HOXC4: variants seen among roughly 807,000 people sequenced by gnomAD.
The protein encoded by HOXC4 is homeobox C4, also known as homeobox protein Hox-C4.
In HOXC4, 15 loss-of-function variants were observed where a neutral mutation model predicts 25.5. The observed-to-expected ratio is 0.59, with a 90% CI of 0.39 to 0.91. The LOEUF (loss-of-function observed/expected upper bound fraction) is 0.91, where lower values mean the gene tolerates loss of function less well. Ranked by LOEUF, HOXC4 falls within the 40% of genes least tolerant of loss-of-function variation. The probability of loss-of-function intolerance (pLI) is 0.00; values close to 1 mark genes in which losing one functional copy is unlikely to be tolerated. For synonymous variants in HOXC4, 165 were observed against 148.0 expected (o/e 1.11, Z -0.83); for missense variants, 342 against 352.4 (o/e 0.97, Z 0.24).
At chr12:54,030,145 CTCTT>C (rs1478777893) in intron 1 of HOXC4, 17 of 580,802 alleles carry the variant, frequency 2.9e-5, no homozygotes, top group Non-Finnish European at 5.1e-5. Flanking sequence ...CCGCACAACT[CTCTT>C]TCACCACGCG....
chr12:54,038,934 C>T (rs769894927), intron 1 of HOXC4, among the ~76,000 whole-genome samples: 11 of 152,102 alleles, frequency 7.2e-5, no homozygotes, highest in East Asian at 1.9e-4. Flanking sequence ...CAGGCTAGGG[C>T]GCCCTTCAGG....
At chr12:54,021,602 A>C (rs567270371) in intron 1 of HOXC4, 1 of 152,356 alleles carries the variant, frequency 6.6e-6, no homozygotes, top group African/African-American at 2.4e-5. Context: ...GGTTCCTCCC[A>C]AGACTCTTGT....
chr12:54,029,588 A>C lies in HOXC4; in HGVS notation c.-124+12174A>C. The C allele has an allele frequency of 2.6e-6, 4 of 1,525,908 alleles. 1 individual carries two copies. The East Asian group carries it at 9.1e-5, about 35-fold the overall frequency. 94.5% of individuals were successfully genotyped at this position (1,525,908 alleles called of 1,614,324 possible). A position where few individuals can be genotyped will look rare whatever the true frequency, so the allele number is the denominator to read the frequency against. ...AGGTTGGGAGGGTCAGGACTTTGCT[A>C]GGCGAAACAGTCTGCAGAGGACGCT... On this transcript the variant is annotated intron_variant, in intron 1 of 3. Transcript: ENST00000303406.
intron 1 of HOXC4, among the ~76,000 whole-genome samples, chr12:54,018,135 C>G (rs1940247774): frequency 6.8e-6 from 1 of 147,690 alleles, no homozygotes; most frequent in African/African-American, 2.5e-5. Context: ...AGGTGCCCTG[C>G]GTTGGGTGGA....
chr12:54,038,006 G>T (rs1466708602), intron 1 of HOXC4: 1 of 152,186 alleles, frequency 6.6e-6, no homozygotes, highest in African/African-American at 2.4e-5. Flanking sequence ...TGAATCCCAG[G>T]CGAACGCTGT....
rs535924044 is a variant in HOXC4, at chr12:54,042,329, A to T, written c.-123-10831A>T. Among the ~76,000 whole-genome samples, 11 of 152,278 alleles carry T rather than the reference A, an allele frequency of 7.2e-5. No individual in the cohort carries two copies. The South Asian group carries it at 2.3e-3, about 32-fold the overall frequency. On this transcript the variant is annotated intron_variant, in intron 1 of 3. Transcript: ENST00000303406. Reference sequence around the variant, plus strand: ...TTAAAGGACACACTTATTCTTCCCCAGTGAATGGTGTGGCAGATTGTTGGA... The same window carrying T: ...TTAAAGGACACACTTATTCTTCCCCTGTGAATGGTGTGGCAGATTGTTGGA...
upstream of HOXC4, among the ~76,000 whole-genome samples, chr12:54,048,930 C>G (rs916035056): frequency 1.1e-4 from 16 of 152,184 alleles, no homozygotes; most frequent in African/African-American, 3.4e-4. Context: ...GGTCACCAAC[C>G]TGCCGCACAG....
At chr12:54,025,328 T>C (rs889982674) in intron 1 of HOXC4, among the ~76,000 whole-genome samples, 3 of 152,108 alleles carry the variant, frequency 2.0e-5, no homozygotes, top group African/African-American at 7.2e-5. Flanking sequence ...TTTCCCCCTA[T>C]AGACAGCCAT....
At chr12:54,052,839 A>T (rs1043784299), upstream of HOXC4, among the ~76,000 whole-genome samples, 3 of 152,184 alleles carry the variant, frequency 2.0e-5, no homozygotes, top group Non-Finnish European at 4.4e-5. Flanking sequence ...GCTCCTAGCC[A>T]GAAGCAAGCA....
Position 54,055,019 on chromosome 12 carries a change from G to T in HOXC4, c.609G>T (p.Trp203Cys). ...LCLSERQIKI[W>C]FQNRRMKWKK... ...TCTCTGAGAGGCAGATCAAAATCTG[G>T]TTCCAAAACCGTCGCATGAAATGGA... The change falls in exon 2 of 2, where the codon TGG becomes TGT. Residue 203 changes from tryptophan to cysteine, a missense_variant. Transcript: ENST00000430889. 6.2e-7 allele frequency: 1 copy of T among 1,613,912 alleles called. No homozygotes were observed. The highest frequency in any genetic ancestry group is 8.5e-7 in the Non-Finnish European group (1 of 1,179,990).
Position 54,053,882 on chromosome 12 carries a change from A to C in HOXC4, c.-41A>C. 1 of 1,533,968 alleles carries C rather than the reference A, an allele frequency of 6.5e-7. No individual in the cohort carries two copies. The highest frequency in any genetic ancestry group is 8.9e-7 in the Non-Finnish European group (1 of 1,117,752). On this transcript the variant is annotated 5_prime_UTR_variant, in exon 1 of 2. Transcript: ENST00000430889. ...GTAGGAGGGCTTTATGGAGCAGAAA[A>C]ACGACAAAGCGAGAAAAATTATTTT...
chr12:54,034,611 C>G, intron 1 of HOXC4: 1 of 801,794 alleles, frequency 1.2e-6, no homozygotes, highest in Non-Finnish European at 2.0e-6. Flanking sequence ...ACTGGGCTCC[C>G]GGGCCCCACA....
chr12:54,045,354 C>G (rs2136460004), intron 1 of HOXC4, among the ~76,000 whole-genome samples: 1 of 152,296 alleles, frequency 6.6e-6, no homozygotes, highest in East Asian at 1.9e-4. Flanking sequence ...TGCACTTTAC[C>G]AATCTTTCTA....
intron 1 of HOXC4, among the ~76,000 whole-genome samples, chr12:54,025,411 C>T (rs569258430): frequency 4.0e-5 from 6 of 151,852 alleles, no homozygotes; most frequent in Admixed American, 3.3e-4. Context: ...GAAGATCGGG[C>T]TCATCTGACC....
chr12:54,034,514 G>A (rs779980223), intron 1 of HOXC4: 1 of 1,598,740 alleles, frequency 6.3e-7, no homozygotes, highest in South Asian at 1.1e-5. Flanking sequence ...GAGGCCCGCA[G>A]AGCGCGCCCC....
At chr12:54,031,684 G>A (rs973793483) in intron 1 of HOXC4, among the ~76,000 whole-genome samples, 4 of 152,200 alleles carry the variant, frequency 2.6e-5, no homozygotes, top group African/African-American at 9.7e-5. Context: ...ATTCCCTCCA[G>A]CGCCCCCACC....
chr12:54,045,786 A>T (rs1937687904), intron 1 of HOXC4, among the ~76,000 whole-genome samples: 2 of 152,154 alleles, frequency 1.3e-5, no homozygotes, highest in Admixed American at 6.5e-5. Flanking sequence ...TGGCTTATTA[A>T]AGCAAGTAAT....
At chr12:54,038,464 G>A (rs1254925812) in intron 1 of HOXC4, among the ~76,000 whole-genome samples, 3 of 152,210 alleles carry the variant, frequency 2.0e-5, no homozygotes, top group African/African-American at 7.2e-5. Flanking sequence ...GGGAAACTGG[G>A]GAGAAAGGCA....
chr12:54,026,125 G>T (rs1592228070), intron 1 of HOXC4, among the ~76,000 whole-genome samples: 1 of 152,020 alleles, frequency 6.6e-6, no homozygotes, highest in East Asian at 1.9e-4. Context: ...TGAAATTGGA[G>T]GGGGGGACAG....
Sources: allele counts gnomAD v4.1 joint callset (sites outside exome capture counted in the v4.1 genomes callset), GRCh38; gene constraint gnomAD v4.1.1; transcripts MANE v1.5; gene names NCBI Gene and HGNC (gene_info 2026-07-23, HGNC 2026-07-21).